The following U2SURP variants were observed in gnomAD, a reference collection of about 807,000 sequenced individuals.
U2SURP encodes the protein U2 snRNP associated SURP domain containing.
Under a neutral mutation model 144.9 loss-of-function variants are expected in U2SURP, and 9 were observed. The ratio of observed to expected loss-of-function variants is 0.06; its 90% confidence interval spans 0.04 to 0.11. U2SURP has a LOEUF of 0.11. Ranked by LOEUF, U2SURP falls within the 10% of genes least tolerant of loss-of-function variation. The pLI is 1.00. For missense variants in U2SURP, 724 were observed against 1,226.7 expected (o/e 0.59, Z 6.12); for synonymous variants, 408 against 396.8 (o/e 1.03, Z -0.33).
intron 6 of U2SURP, among the ~76,000 whole-genome samples, chr3:143,019,707 GCAGTTCAGTT>G (rs1279711622): frequency 6.6e-6 from 1 of 152,162 alleles, no homozygotes; most frequent in Non-Finnish European, 1.5e-5. Context: ...ACTTTCCATG[GCAGTTCAGTT>G]ACTTCATGTT....
At chr3:143,022,426 CT>C (rs1936687380) in intron 10 of U2SURP, 70 bp from the exon 11 acceptor site, 2 of 1,387,558 alleles carry the variant, frequency 1.4e-6, no homozygotes, top group Non-Finnish European at 1.9e-6. Flanking sequence ...GTAAAAACTA[CT>C]TTGTTTTCTG....
chr3:143,036,529 T>C (rs1933818949), intron 20 of U2SURP, among the ~76,000 whole-genome samples: 1 of 152,180 alleles, frequency 6.6e-6, no homozygotes, highest in Non-Finnish European at 1.5e-5. Flanking sequence ...AAATAATTAC[T>C]GAATCCTTAA....
chr3:143,010,840 C>G lies in U2SURP; in HGVS notation c.71C>G (p.Ser24Cys), dbSNP rs186856142. The change falls in exon 2 of 28, where the codon TCT (serine) becomes TGT (cysteine). Residue 24 changes from serine to cysteine, a missense_variant. By Grantham distance (112) the Ser-to-Cys change is moderately radical. Transcript: ENST00000473835. ...ACGAGATCATCAGATGTTCATTCAT[C>G]TGGATCTTCAGATGCACATGTGAGT... is the stretch of plus-strand genomic sequence containing the variant. Reference protein sequence around the residue: ...SKTRSSDVHSSGSSDAHMDAS... With the variant: ...SKTRSSDVHSCGSSDAHMDAS... 6.2e-7 allele frequency: 1 copy of G among 1,607,532 alleles called. No homozygotes were observed. Among genetic ancestry groups the G allele is most frequent in the Non-Finnish European group, 8.5e-7 (1 of 1,177,430 alleles).
chr3:143,025,283 A>G (rs1281116669), intron 13 of U2SURP, among the ~76,000 whole-genome samples: 1 of 152,208 alleles, frequency 6.6e-6, no homozygotes, highest in African/African-American at 2.4e-5. Context: ...ATCTAGTGGT[A>G]GCTTTACATG....
intron 24 of U2SURP, 90 bp from the exon 25 acceptor site, chr3:143,050,849 G>C: frequency 1.2e-6 from 1 of 817,810 alleles, no homozygotes; most frequent in East Asian, 2.9e-5. Context: ...GTACTAATTA[G>C]TTACTACTTT....
At chr3:143,013,703 A>T (rs1230088303) in intron 3 of U2SURP, among the ~76,000 whole-genome samples, 3 of 152,110 alleles carry the variant, frequency 2.0e-5, no homozygotes, top group Non-Finnish European at 4.4e-5. Context: ...CTTCATTAAA[A>T]TAGTGTTTTC....
chr3:143,053,864 C>CTCTTTCTCCTGTT (rs1935012398), intron 26 of U2SURP, 70 bp downstream of exon 26: 1 of 1,250,024 alleles, frequency 8.0e-7, no homozygotes, highest in South Asian at 1.9e-5. Flanking sequence ...ATAATACTTT[C>CTCTTTCTCCTGTT]ATCATTGATG....
intron 8 of U2SURP, 73 bp from the exon 9 acceptor site, chr3:143,021,277 A>T: frequency 6.7e-7 from 1 of 1,492,474 alleles, no homozygotes. Flanking sequence ...AAACTGGGGG[A>T]AACAAAGGTG....
At chr3:143,034,202 G>T (rs1274672520) in intron 18 of U2SURP, among the ~76,000 whole-genome samples, 1 of 152,082 alleles carries the variant, frequency 6.6e-6, no homozygotes. Context: ...TCAGAAGTTC[G>T]AGACCACCCT....
At chr3:143,007,909 G>A (rs943242198) in intron 1 of U2SURP, among the ~76,000 whole-genome samples, 1 of 152,204 alleles carries the variant, frequency 6.6e-6, no homozygotes, top group African/African-American at 2.4e-5. Context: ...ATCTTTAGAA[G>A]TTGATGATTA....
chr3:143,049,106 A>AG (rs904836048), intron 24 of U2SURP, among the ~76,000 whole-genome samples: 1 of 151,260 alleles, frequency 6.6e-6, no homozygotes, highest in African/African-American at 2.4e-5. Flanking sequence ...AAAAAAAAAA[A>AG]AAAAGATTCA....
At chr3:143,019,241 A>G (rs1936520632) in intron 6 of U2SURP, among the ~76,000 whole-genome samples, 1 of 151,914 alleles carries the variant, frequency 6.6e-6, no homozygotes, top group Non-Finnish European at 1.5e-5. Flanking sequence ...TTGTCTTTGC[A>G]TTTTCTTGAT....
intron 18 of U2SURP, among the ~76,000 whole-genome samples, chr3:143,033,970 A>G (rs998773432): frequency 6.6e-6 from 1 of 152,236 alleles, no homozygotes; most frequent in African/African-American, 2.4e-5. Context: ...GAAACAGTGT[A>G]TATACTGGCA....
intron 16 of U2SURP, 107 bp from the exon 17 acceptor site, chr3:143,032,677 A>G (rs139560154): frequency 0.018 from 18,610 of 1,006,546 alleles, 247 homozygotes; most frequent in Non-Finnish European, 0.023. Flanking sequence ...AGTCTTCAGA[A>G]TTATTTTATG....
chr3:143,059,560 C>G lies in U2SURP; in HGVS notation c.*3110C>G, dbSNP rs1183788119. The G allele has an allele frequency of 1.3e-5, 2 of 151,958 alleles. No individual in the cohort carries two copies. The highest frequency in any genetic ancestry group is 2.9e-5 in the Non-Finnish European group (2 of 67,816). 9.4% of individuals were successfully genotyped at this position (151,958 alleles called of 1,614,324 possible). On this transcript the variant is annotated 3_prime_UTR_variant, in exon 28 of 28. Coordinates refer to ENST00000473835, the MANE Select transcript of U2SURP (RefSeq NM_001080415.2). ...GACCGTGACAATAGTTTATCATCAT[C>G]ATTATTGTTATTCAAAATAAGGGTA...
rs889630885 is a variant in U2SURP, at chr3:143,012,089, A to C, written c.91-133A>C. 4 of 1,163,828 alleles carry C rather than the reference A, an allele frequency of 3.4e-6. No individual in the cohort carries two copies. The African/African-American group carries it at 6.1e-5, about 18-fold the overall frequency. The allele number at this position is 1,163,828 out of a possible 1,614,324, so 72.1% of individuals were successfully genotyped here. On this transcript the variant is annotated intron_variant, in intron 2 of 27. Coordinates refer to ENST00000473835, the MANE Select transcript of U2SURP (RefSeq NM_001080415.2). ...CTTTTTTGGTGAAATCAATGGTGAT[A>C]TTAAGGGATGTGATATTTTGATAAT...
At position 143,001,710 on chromosome 3, in the gene U2SURP, A is replaced by G. The variant is rs375686570; in HGVS notation, c.45+37A>G. 54 of 1,612,180 alleles carry G rather than the reference A, an allele frequency of 3.3e-5. 1 individual carries two copies. The highest frequency in any genetic ancestry group is 3.3e-4 in the Middle Eastern group (2 of 6,082). On this transcript the variant is annotated intron_variant, in intron 1 of 27. Transcript: ENST00000473835. ...CAAAATTTCGTAAGTCAGCGGATCTACCACTGTCGTTTGGGGCCCACAGAC... is the reference window on the plus strand; with the variant it reads ...CAAAATTTCGTAAGTCAGCGGATCTGCCACTGTCGTTTGGGGCCCACAGAC...
Position 143,022,654 on chromosome 3 carries a change from A to T in U2SURP, c.1010A>T (p.Asn337Ile), listed in dbSNP as rs768840667. The T allele has an allele frequency of 6.2e-7, 1 of 1,609,654 alleles. No individual in the cohort carries two copies. The highest frequency in any genetic ancestry group is 8.5e-7 in the Non-Finnish European group (1 of 1,178,672). Residue 337 changes from asparagine to isoleucine, a missense_variant, in exon 11 of 28, where the codon AAT becomes ATT. Coordinates refer to ENST00000473835, the MANE Select transcript of U2SURP (RefSeq NM_001080415.2). ...NRRDAERALK[N>I]LNGKMIMSFE... ...AGAGATGCTGAAAGAGCTTTAAAAA[A>T]TTTGAATGGTAAGAACATTTTTATT... is the stretch of plus-strand genomic sequence containing the variant.
chr3:143,053,046 A>C (rs1934968168), intron 25 of U2SURP, among the ~76,000 whole-genome samples: 1 of 150,786 alleles, frequency 6.6e-6, no homozygotes, highest in African/African-American at 2.4e-5. Flanking sequence ...TTTCCCACTA[A>C]TAAAACTTCG....
Sources: allele counts gnomAD v4.1 joint callset (sites outside exome capture counted in the v4.1 genomes callset), GRCh38; gene constraint gnomAD v4.1.1; transcripts MANE v1.5; gene names NCBI Gene and HGNC (gene_info 2026-07-23, HGNC 2026-07-21).